Variants in BCKDHB observed in about 807,000 individuals in gnomAD.
BCKDHB encodes branched chain keto acid dehydrogenase E1 subunit beta, also known as 2-oxoisovalerate dehydrogenase subunit beta, mitochondrial.
BCKDHB carries 41 observed loss-of-function variants against 48.5 expected under a neutral mutation model. The observed-to-expected ratio is 0.85, with a 90% confidence interval of 0.66 to 1.10. BCKDHB has a LOEUF of 1.10. Among genes scored for constraint, BCKDHB ranks in the 50% least tolerant of loss-of-function variants. The pLI is 0.00. For synonymous variants in BCKDHB, 201 were observed against 174.8 expected, an observed-to-expected ratio of 1.15 and a Z score of -1.18; for missense variants, 496 against 494.2, an observed-to-expected ratio of 1.00 and a Z score of -0.03.
intron 6 of BCKDHB, among the ~76,000 whole-genome samples, chr6:80,184,723 G>T (rs1292567497): frequency 1.3e-5 from 2 of 152,050 alleles, no homozygotes; most frequent in Non-Finnish European, 2.9e-5. Flanking sequence ...CAAAATTCTT[G>T]GCTGATAATT....
chr6:80,418,779 C>A, the BCKDHB span, among the ~76,000 whole-genome samples: 1 of 152,080 alleles, frequency 6.6e-6, no homozygotes, highest in Admixed American at 6.5e-5. Flanking sequence ...ATGGGTCAGC[C>A]GCAGTGGTAG....
At chr6:80,303,361 A>T (rs1163245651) in intron 9 of BCKDHB, among the ~76,000 whole-genome samples, 1 of 152,078 alleles carries the variant, frequency 6.6e-6, no homozygotes, top group Non-Finnish European at 1.5e-5. Flanking sequence ...ACATATTGTA[A>T]CTGAATAAGT....
rs1265820899 is a variant in BCKDHB, at chr6:80,309,070, G to GT, written c.1039-34583dup. Among the ~76,000 whole-genome samples the GT allele has an allele frequency of 3.5e-3, 484 of 139,996 alleles. 2 individuals are homozygous for GT. Among genetic ancestry groups the GT allele is most frequent in the African/African-American group, 0.01 (398 of 38,378 alleles). The allele number at this position is 139,996 out of a possible 152,430, so 91.8% of individuals were successfully genotyped here. On this transcript the variant is annotated intron_variant, in intron 9 of 9. Coordinates refer to ENST00000320393, the MANE Select transcript of BCKDHB (RefSeq NM_183050.4). The stretch of plus-strand genomic sequence containing the variant: ...TAAAAGTATAGTTTTTTTGTTTTTT[G>GT]TTTTTTTTTTTAGACGGAGTCTCGC...
intron 9 of BCKDHB, among the ~76,000 whole-genome samples, chr6:80,334,637 TA>T (rs5877702): frequency 0.23 from 34,599 of 149,464 alleles, 4,156 homozygotes; most frequent in South Asian, 0.28. Flanking sequence ...GATTAACTGT[TA>T]AAAAAAAAAA....
downstream of BCKDHB, among the ~76,000 whole-genome samples, chr6:80,348,606 C>G (rs560375041): frequency 6.6e-6 from 1 of 152,148 alleles, no homozygotes; most frequent in African/African-American, 2.4e-5. Context: ...TCAGCCTTGT[C>G]GATGACACTG....
At chr6:80,160,537 G>A (rs1562097118) in intron 3 of BCKDHB, among the ~76,000 whole-genome samples, 1 of 152,152 alleles carries the variant, frequency 6.6e-6, no homozygotes, top group Non-Finnish European at 1.5e-5. Flanking sequence ...ATAGGGAATA[G>A]GGTTCACTGG....
At chr6:80,448,041 G>A in the BCKDHB span, among the ~76,000 whole-genome samples, 1 of 152,116 alleles carries the variant, frequency 6.6e-6, no homozygotes, top group Non-Finnish European at 1.5e-5. Flanking sequence ...ATCATGGTAG[G>A]TACTATGCAG....
intron 9 of BCKDHB, among the ~76,000 whole-genome samples, chr6:80,273,893 T>C (rs1303343131): frequency 6.6e-6 from 1 of 151,990 alleles, no homozygotes; most frequent in Non-Finnish European, 1.5e-5. Flanking sequence ...TATAAGATAA[T>C]TTAAGGTAGT....
At chr6:80,450,661 CT>C in the BCKDHB span, among the ~76,000 whole-genome samples, 408 of 152,268 alleles carry the variant, frequency 2.7e-3, 2 homozygotes, top group African/African-American at 9.5e-3. Context: ...ACACTTCACC[CT>C]TCTAATCCAG....
At chr6:80,417,250 G>A in the BCKDHB span, among the ~76,000 whole-genome samples, 1 of 152,090 alleles carries the variant, frequency 6.6e-6, no homozygotes, top group African/African-American at 2.4e-5. Flanking sequence ...CACTGCATAT[G>A]AGATGGGTCT....
At chr6:80,111,953 A>G (rs1261125405) in intron 1 of BCKDHB, among the ~76,000 whole-genome samples, 1 of 152,188 alleles carries the variant, frequency 6.6e-6, no homozygotes. Flanking sequence ...TTCCACCAGT[A>G]TCACCATACA....
At chr6:80,186,025 T>C (rs1773624124) in intron 6 of BCKDHB, among the ~76,000 whole-genome samples, 1 of 152,146 alleles carries the variant, frequency 6.6e-6, no homozygotes, top group African/African-American at 2.4e-5. Context: ...ATGTCTTGAG[T>C]TGGTTGGCCT....
chr6:80,323,338 G>A (rs1239319630), intron 9 of BCKDHB, among the ~76,000 whole-genome samples: 1 of 152,086 alleles, frequency 6.6e-6, no homozygotes. Context: ...AGTACAAATT[G>A]ACTTTTGTTT....
chr6:80,305,308 T>C (rs183894387), intron 9 of BCKDHB, among the ~76,000 whole-genome samples: 7 of 152,116 alleles, frequency 4.6e-5, no homozygotes, highest in Non-Finnish European at 1.0e-4. Context: ...TAACATTTTT[T>C]AAAAAAGACT....
chr6:80,325,690 T>C (rs767333340), intron 9 of BCKDHB, among the ~76,000 whole-genome samples: 10 of 152,220 alleles, frequency 6.6e-5, no homozygotes, highest in Non-Finnish European at 1.5e-4. Context: ...GCAGAAAACC[T>C]GTTGCTAGTT....
chr6:80,120,672 A>T (rs530420613), intron 1 of BCKDHB, among the ~76,000 whole-genome samples: 1 of 152,070 alleles, frequency 6.6e-6, no homozygotes, highest in Non-Finnish European at 1.5e-5. Flanking sequence ...TTTGAGCAGT[A>T]TCTGTTCATA....
At chr6:80,137,021 G>A (rs1255581566) in intron 3 of BCKDHB, among the ~76,000 whole-genome samples, 6 of 152,112 alleles carry the variant, frequency 3.9e-5, no homozygotes, top group Admixed American at 3.9e-4. Flanking sequence ...AATGTAAAGC[G>A]ACACAGCCAC....
At chr6:80,205,791 G>GGTGGGT (rs1554195543) in intron 8 of BCKDHB, among the ~76,000 whole-genome samples, 2 of 135,106 alleles carry the variant, frequency 1.5e-5, no homozygotes, top group Non-Finnish European at 3.2e-5. Flanking sequence ...CTGTGCCATG[G>GGTGGGT]GTGTGTGTGT....
the BCKDHB span, among the ~76,000 whole-genome samples, chr6:80,437,281 A>G: frequency 5.3e-4 from 81 of 152,296 alleles, no homozygotes; most frequent in African/African-American, 1.9e-3. Context: ...TTTAACTTTT[A>G]TTTCTGGAAA....
Sources: allele counts gnomAD v4.1 joint callset (sites outside exome capture counted in the v4.1 genomes callset), GRCh38; gene constraint gnomAD v4.1.1; transcripts MANE v1.5; gene names NCBI Gene and HGNC (gene_info 2026-07-23, HGNC 2026-07-21).